The following DOCK5 variants were observed in gnomAD, a reference collection of about 807,000 sequenced individuals.
The protein encoded by DOCK5 is dedicator of cytokinesis protein 5.
In DOCK5, 142 loss-of-function variants were observed where a neutral mutation model predicts 251.8. The ratio of observed to expected loss-of-function variants is 0.56; its 90% CI spans 0.49 to 0.65. The LOEUF is 0.65. Ranked by LOEUF, DOCK5 falls within the 30% of genes least tolerant of loss-of-function variation. The pLI, the probability that DOCK5 is intolerant of heterozygous loss-of-function variation, is 0.00. For missense variants in DOCK5, 2,111 were observed against 2,312.3 expected (o/e 0.91, Z 1.79); for synonymous variants, 842 against 835.5 (o/e 1.01, Z -0.13).
At position 25,340,860 on chromosome 8, in the gene DOCK5, G is replaced by T. The variant is rs1249216584; in HGVS notation, c.2328-17G>T. Reference sequence around the variant, plus strand: ...AACAATGGAAAGTCCAACTGCTTTTGTCTTTTTCCTATTAAGATTTTATGG... The same window carrying T: ...AACAATGGAAAGTCCAACTGCTTTTTTCTTTTTCCTATTAAGATTTTATGG... On this transcript the variant is annotated splice_polypyrimidine_tract_variant and intron_variant, in intron 22 of 51. Transcript: ENST00000276440. 1.2e-6 allele frequency: 2 copies of T among 1,605,996 alleles called. No homozygotes were observed. Among genetic ancestry groups the T allele is most frequent in the South Asian group, 1.1e-5 (1 of 89,970 alleles).
chr8:25,231,180 A>G (rs1304152282), intron 1 of DOCK5, among the ~76,000 whole-genome samples: 1 of 152,076 alleles, frequency 6.6e-6, no homozygotes, highest in African/African-American at 2.4e-5. Context: ...TATTTTTTCT[A>G]TAATTTTTCA....
intron 1 of DOCK5, among the ~76,000 whole-genome samples, chr8:25,225,999 T>C (rs971861764): frequency 2.0e-5 from 3 of 152,164 alleles, no homozygotes; most frequent in African/African-American, 7.2e-5. Flanking sequence ...TTAACACTAC[T>C]GAACTGTACA....
At chr8:25,388,878 T>C (rs1162072754) in intron 40 of DOCK5, 5 of 545,192 alleles carry the variant, frequency 9.2e-6, no homozygotes, top group Non-Finnish European at 1.6e-5. Context: ...GGGCTAAGTA[T>C]TTTTTATGCC....
At chr8:25,294,719 T>C (rs1804576162) in intron 6 of DOCK5, among the ~76,000 whole-genome samples, 1 of 152,164 alleles carries the variant, frequency 6.6e-6, no homozygotes. Context: ...GGGTAATTTA[T>C]AAGAAAAGTG....
Position 25,381,944 on chromosome 8 carries a change from A to G in DOCK5, c.4027-730A>G, listed in dbSNP as rs1801075297. 2.6e-5 allele frequency among the ~76,000 whole-genome samples: 4 copies of G among 152,260 alleles called. No homozygotes were observed. In the South Asian group the frequency reaches 8.3e-4, roughly 32 times the overall value. On this transcript the variant is annotated intron_variant, in intron 39 of 51. Transcript: ENST00000276440. ...CACCACCACCTTCTGGGCACTTATAATTTACCAGACACTTTCATCCAGACC... is the reference window on the plus strand; with the variant it reads ...CACCACCACCTTCTGGGCACTTATAGTTTACCAGACACTTTCATCCAGACC...
At chr8:25,251,296 A>G (rs1563324947) in intron 2 of DOCK5, among the ~76,000 whole-genome samples, 1 of 144,464 alleles carries the variant, frequency 6.9e-6, no homozygotes, top group East Asian at 1.9e-4. Flanking sequence ...AACTGTACAG[A>G]GGCAGGCACA....
intron 26 of DOCK5, among the ~76,000 whole-genome samples, chr8:25,347,073 T>C (rs917872169): frequency 2.0e-5 from 3 of 152,230 alleles, no homozygotes; most frequent in African/African-American, 7.2e-5. Flanking sequence ...TGTCATCACC[T>C]AAAGTCTTTA....
At chr8:25,292,786 T>A (rs1175388694) in intron 6 of DOCK5, among the ~76,000 whole-genome samples, 1 of 152,130 alleles carries the variant, frequency 6.6e-6, no homozygotes, top group Non-Finnish European at 1.5e-5. Context: ...GCCTCTGAAG[T>A]TGACATTTTC....
intron 27 of DOCK5, among the ~76,000 whole-genome samples, chr8:25,355,871 T>C (rs1800558287): frequency 6.6e-6 from 1 of 152,048 alleles, no homozygotes; most frequent in South Asian, 2.1e-4. Context: ...TAAAAATAAA[T>C]ACTAGTTACA....
chr8:25,206,064 C>G (rs1201602798), intron 1 of DOCK5, among the ~76,000 whole-genome samples: 1 of 152,050 alleles, frequency 6.6e-6, no homozygotes, highest in Non-Finnish European at 1.5e-5. Flanking sequence ...AGAGATTATT[C>G]TAATTGAGGG....
In DOCK5 at chr8:25,291,985, T is replaced by C. The variant is rs78044122; in HGVS notation, c.322-39T>C. 4.0e-6 allele frequency: 6 copies of C among 1,506,106 alleles called. No homozygotes were observed. The South Asian group carries it at 7.7e-5, about 19-fold the overall frequency. The allele number at this position is 1,506,106 out of a possible 1,614,324, so 93.3% of individuals were successfully genotyped here. ...TGTTCCCATCCTCTGTCACACCTTT[T>C]TCTAAGAATCTTTTCTTCATCATAT... On this transcript the variant is annotated intron_variant, in intron 5 of 51. Transcript: ENST00000276440.
chr8:25,332,437 A>C, intron 19 of DOCK5, 89 bp downstream of exon 19: 1 of 1,246,728 alleles, frequency 8.0e-7, no homozygotes, highest in African/African-American at 1.5e-5. Context: ...ATTTAAAATT[A>C]AATCATTCAT....
intron 9 of DOCK5, 135 bp from the exon 10 acceptor site, chr8:25,302,188 AAG>A: frequency 8.0e-7 from 1 of 1,246,872 alleles, no homozygotes; most frequent in East Asian, 2.8e-5. Flanking sequence ...GATGGGGGAG[AAG>A]AGAGTCGTTC....
intron 5 of DOCK5, among the ~76,000 whole-genome samples, chr8:25,284,418 A>G (rs183390801): frequency 2.0e-5 from 3 of 152,300 alleles, no homozygotes; most frequent in Admixed American, 2.0e-4. Context: ...GAGGTCATGT[A>G]AGGGTGCAGT....
chr8:25,268,156 C>G (rs1003978926), intron 2 of DOCK5, among the ~76,000 whole-genome samples: 3 of 151,952 alleles, frequency 2.0e-5, no homozygotes, highest in Non-Finnish European at 4.4e-5. Flanking sequence ...CCACCGTGCC[C>G]GGCTGGAATT....
At chr8:25,286,146 G>A (rs1804324936) in intron 5 of DOCK5, among the ~76,000 whole-genome samples, 1 of 152,114 alleles carries the variant, frequency 6.6e-6, no homozygotes, top group Non-Finnish European at 1.5e-5. Flanking sequence ...CGGGGTCCCT[G>A]GAGTCAGTGT....
intron 3 of DOCK5, chr8:25,270,770 T>C: frequency 1.4e-6 from 1 of 710,186 alleles, no homozygotes; most frequent in South Asian, 1.5e-5. Context: ...TTTAATATAG[T>C]CATTTCCTCA....
intron 1 of DOCK5, among the ~76,000 whole-genome samples, chr8:25,217,928 T>G (rs928441226): frequency 4.6e-5 from 7 of 152,230 alleles, no homozygotes; most frequent in African/African-American, 1.7e-4. Context: ...TACCTTTTAT[T>G]CAAAGGGAAT....
At chr8:25,232,852 C>G (rs116730766) in intron 1 of DOCK5, among the ~76,000 whole-genome samples, 13 of 152,298 alleles carry the variant, frequency 8.5e-5, no homozygotes, top group African/African-American at 3.1e-4. Context: ...CCCTCATATT[C>G]CAAGCTTTCT....
Sources: allele counts gnomAD v4.1 joint callset (sites outside exome capture counted in the v4.1 genomes callset), GRCh38; gene constraint gnomAD v4.1.1; transcripts MANE v1.5; gene names NCBI Gene and HGNC (gene_info 2026-07-23, HGNC 2026-07-21).